Variants in BRWD1 observed in about 807,000 individuals in gnomAD.
BRWD1 encodes bromodomain and WD repeat domain containing 1.
Under a neutral mutation model 251.2 loss-of-function variants are expected in BRWD1, and 82 were observed. The ratio of observed to expected loss-of-function variants is 0.33; its 90% CI spans 0.27 to 0.39. BRWD1 has a LOEUF of 0.39. Ranked by LOEUF, BRWD1 falls within the 10% of genes least tolerant of loss-of-function variation. The pLI is 1.00. For missense variants in BRWD1, 2,233 were observed against 2,711.6 expected, an observed-to-expected ratio of 0.82 and a Z score of 3.92; for synonymous variants, 918 against 902.8, an observed-to-expected ratio of 1.02 and a Z score of -0.30.
chr21:39,198,534 C>G (rs2031937425), intron 40 of BRWD1, among the ~76,000 whole-genome samples: 1 of 151,976 alleles, frequency 6.6e-6, no homozygotes, highest in South Asian at 2.1e-4. Context: ...TTCTTAAGGC[C>G]AAGATTGCCT....
At chr21:39,255,239 T>C (rs1167265993) in intron 19 of BRWD1, among the ~76,000 whole-genome samples, 1 of 151,830 alleles carries the variant, frequency 6.6e-6, no homozygotes, top group African/African-American at 2.4e-5. Context: ...GGTGAAACCC[T>C]GTCTCTACTA....
At chr21:39,297,224 G>A in intron 5 of BRWD1, 1 of 985,416 alleles carries the variant, frequency 1.0e-6, no homozygotes. Context: ...AAAGAAGAAA[G>A]GGAAGGCATC....
At chr21:39,292,825 T>C (rs921632855) in intron 8 of BRWD1, among the ~76,000 whole-genome samples, 17 of 152,218 alleles carry the variant, frequency 1.1e-4, no homozygotes, top group African/African-American at 4.1e-4. Flanking sequence ...AATTGTAACA[T>C]GCAGGCTTCG....
intron 15 of BRWD1, among the ~76,000 whole-genome samples, chr21:39,269,250 A>AT (rs375909440): frequency 0.073 from 10,946 of 150,742 alleles, 467 homozygotes; most frequent in East Asian, 0.14. Flanking sequence ...CAAAAAAAAA[A>AT]ATTTTTTTTT....
intron 17 of BRWD1, among the ~76,000 whole-genome samples, chr21:39,262,087 T>C (rs1483421054): frequency 2.0e-5 from 3 of 152,176 alleles, no homozygotes; most frequent in Non-Finnish European, 2.9e-5. Flanking sequence ...AAACATTTCA[T>C]GAGAAAAGAA....
rs1159522629 is a variant in BRWD1, at chr21:39,188,213, G to A, written c.*8046C>T. On this transcript the variant is annotated 3_prime_UTR_variant, in exon 41 of 41. Coordinates refer to ENST00000342449, the MANE Select transcript of BRWD1 (RefSeq NM_033656.4). Reference sequence around the variant, plus strand: ...CCTTTTACGTATCTGAAGTTCACGGGCCCTTGAATTTTAGGTCTTTCTTGC... The same window carrying A: ...CCTTTTACGTATCTGAAGTTCACGGACCCTTGAATTTTAGGTCTTTCTTGC... The A allele has an allele frequency of 1.0e-6, 1 of 985,244 alleles. No individual in the cohort carries two copies. Among genetic ancestry groups the A allele is most frequent in the African/African-American group, 1.7e-5 (1 of 57,222 alleles). 61.0% of individuals were successfully genotyped at this position (985,244 alleles called of 1,614,324 possible). A position where few individuals can be genotyped will look rare whatever the true frequency, so the allele number is the denominator to read the frequency against.
At chr21:39,258,347 A>G in intron 18 of BRWD1, 140 bp downstream of exon 18, 1 of 672,870 alleles carries the variant, frequency 1.5e-6, no homozygotes, top group Non-Finnish European at 2.3e-6. Flanking sequence ...TCATAAAGCT[A>G]CCTTCAGACT....
rs2031323603 is a variant in BRWD1, at chr21:39,187,722, A to G, written c.*8537T>C. On this transcript the variant is annotated 3_prime_UTR_variant, in exon 41 of 41. Coordinates refer to ENST00000342449, the MANE Select transcript of BRWD1 (RefSeq NM_033656.4). ...AAAAACATATATATGAGCATTTTAC[A>G]TAATTTGAATTACTAAATCTTAACT... The G allele has an allele frequency of 1.0e-6, 1 of 985,028 alleles. No individual in the cohort carries two copies. The highest frequency in any genetic ancestry group is 1.2e-6 in the Non-Finnish European group (1 of 829,662). The allele number at this position is 985,028 out of a possible 1,614,324, so 61.0% of individuals were successfully genotyped here. A position where few individuals can be genotyped will look rare whatever the true frequency, so the allele number is the denominator to read the frequency against.
At chr21:39,244,921 AATATATAT>A (rs56801824) in intron 21 of BRWD1, among the ~76,000 whole-genome samples, 11,372 of 112,452 alleles carry the variant, frequency 0.1, 1,058 homozygotes, top group East Asian at 0.24. Flanking sequence ...CTTTGGAAGA[AATATATAT>A]ATATATATAT....
intron 4 of BRWD1, among the ~76,000 whole-genome samples, chr21:39,304,354 T>A (rs1352201802): frequency 6.6e-6 from 1 of 152,076 alleles, no homozygotes; most frequent in South Asian, 2.1e-4. Flanking sequence ...CTCACACCTA[T>A]AATCCCAGCA....
chr21:39,275,782 C>G (rs2035261309), intron 12 of BRWD1, among the ~76,000 whole-genome samples: 2 of 152,154 alleles, frequency 1.3e-5, no homozygotes, highest in Admixed American at 6.5e-5. Context: ...CCTGTAATCC[C>G]AGCACTTTAG....
intron 8 of BRWD1, among the ~76,000 whole-genome samples, chr21:39,281,164 G>A (rs2035445230): frequency 6.6e-6 from 1 of 152,156 alleles, no homozygotes; most frequent in Non-Finnish European, 1.5e-5. Context: ...TAGAGAATCT[G>A]GATGTAATCA....
chr21:39,257,233 A>G lies in BRWD1; in HGVS notation c.2071+1254T>C, dbSNP rs2034589455. Among the ~76,000 whole-genome samples the G allele has an allele frequency of 1.3e-5, 2 of 151,788 alleles. 1 individual carries two copies. The highest frequency in any genetic ancestry group is 4.8e-5 in the African/African-American group (2 of 41,310). On this transcript the variant is annotated intron_variant, in intron 18 of 40. Transcript: ENST00000342449. ...AAAAAAAAAAAAAATAGGATGAAGA[A>G]TTCTGTGAACTGATACGATTTCTAG...
chr21:39,225,302 C>A, intron 27 of BRWD1, 105 bp from the exon 28 acceptor site: 6 of 778,824 alleles, frequency 7.7e-6, no homozygotes, highest in East Asian at 2.6e-5. Flanking sequence ...GCCAAAAGCA[C>A]AATACAAAAA....
chr21:39,286,016 C>CTTTTT (rs57151774), intron 8 of BRWD1, among the ~76,000 whole-genome samples: 12 of 104,800 alleles, frequency 1.1e-4, no homozygotes, highest in Admixed American at 2.5e-4. Context: ...ACCATATGAA[C>CTTTTT]TTTTTTTTTT....
At chr21:39,264,389 A>T (rs1337412052) in intron 17 of BRWD1, 71 bp downstream of exon 17, 1 of 928,722 alleles carries the variant, frequency 1.1e-6, no homozygotes, top group Admixed American at 3.3e-5. Flanking sequence ...AGGTAAGGAA[A>T]TTATTTATAT....
chr21:39,282,688 T>C (rs902401280), intron 8 of BRWD1, among the ~76,000 whole-genome samples: 1 of 152,182 alleles, frequency 6.6e-6, no homozygotes, highest in African/African-American at 2.4e-5. Flanking sequence ...CCAAGCACAG[T>C]TGCTCATGCC....
intron 31 of BRWD1, among the ~76,000 whole-genome samples, chr21:39,216,307 CTA>C (rs1214299285): frequency 6.6e-6 from 1 of 151,958 alleles, no homozygotes; most frequent in Non-Finnish European, 1.5e-5. Flanking sequence ...CAAGTATTAA[CTA>C]TATAAATATT....
rs2034544755 is a variant in BRWD1 at position 39,255,796 on chromosome 21, G to A, written c.2104C>T (p.Pro702Ser). The stretch of plus-strand genomic sequence containing the variant: ...CTACGACGCAGACCAATATTTGGAG[G>A]GGACTGAATGTCTAAGCTCAGCCTT... ...FRRLSLDIQS[P>S]PNIGLRRSGQ... Residue 702 changes from proline (P) to serine (S), a missense_variant, in exon 19 of 41, where the codon CCT becomes TCT. This residue lies in a region of BRWD1 where 73 missense variants were observed against 68.1 expected (regional missense o/e 1.07). Coordinates refer to ENST00000342449, the MANE Select transcript of BRWD1 (RefSeq NM_033656.4). 3 of 1,613,976 alleles carry A rather than the reference G, an allele frequency of 1.9e-6. No homozygotes were observed. Among genetic ancestry groups the A allele is most frequent in the Non-Finnish European group, 2.5e-6 (3 of 1,180,006 alleles).
Sources: gnomAD v4.1 joint callset for allele counts (sites outside exome capture counted in the v4.1 genomes callset) on GRCh38, gnomAD v4.1.1 for gene constraint, gnomAD v4.1.1 regional missense constraint, MANE v1.5 for transcripts, NCBI Gene and HGNC (gene_info 2026-07-23, HGNC 2026-07-21) for gene names.